ZNF37A: variants seen among roughly 807,000 people sequenced by gnomAD.
The protein encoded by ZNF37A is zinc finger protein 37a (KOX 21).
A neutral mutation model predicts 12.3 loss-of-function variants in ZNF37A; 10 were observed. That is an observed-to-expected ratio of 0.82 (90% CI 0.50 to 1.38). The LOEUF is 1.38. Ranked by LOEUF, ZNF37A falls within the 40% of genes most tolerant of loss-of-function variation. The pLI, the probability that ZNF37A is intolerant of heterozygous loss-of-function variation, is 0.00. For synonymous variants in ZNF37A, 207 were observed against 223.0 expected (o/e 0.93, Z 0.64); for missense variants, 580 against 651.2 (o/e 0.89, Z 1.19).
intron 4 of ZNF37A, 33 bp from the exon 5 acceptor site, chr10:38,096,541 T>G: frequency 1.3e-6 from 2 of 1,512,214 alleles, no homozygotes; most frequent in African/African-American, 1.4e-5. Flanking sequence ...TTAAGGCAAG[T>G]GACATCACTC....
chr10:38,119,054 G>T lies in ZNF37A; in HGVS notation c.*217G>T, dbSNP rs2069528714. 6 of 1,239,542 alleles carry T rather than the reference G, an allele frequency of 4.8e-6. No individual in the cohort carries two copies. The South Asian group carries it at 1.8e-4, about 38-fold the overall frequency. 76.8% of individuals were successfully genotyped at this position (1,239,542 alleles called of 1,614,324 possible). On this transcript the variant is annotated 3_prime_UTR_variant, in exon 8 of 8. Coordinates refer to ENST00000685332, the MANE Select transcript of ZNF37A (RefSeq NM_001324250.3). ...AACTAAAAGTGGAAAAAACTTATTG[G>T]TGAATGAATATAGGAAACATTTTGC... is the stretch of plus-strand genomic sequence containing the variant.
At chr10:38,144,853 C>T (rs1434342990) in intron 7 of ZNF37A, among the ~76,000 whole-genome samples, 2 of 152,088 alleles carry the variant, frequency 1.3e-5, no homozygotes, top group Non-Finnish European at 2.9e-5. Context: ...CAGCACTACC[C>T]AGCTGCATAC....
downstream of ZNF37A, among the ~76,000 whole-genome samples, chr10:38,126,799 C>G (rs1357167311): frequency 6.6e-6 from 1 of 152,148 alleles, no homozygotes; most frequent in Non-Finnish European, 1.5e-5. Context: ...GTGAAGCCAA[C>G]TATAGCCATA....
At chr10:38,150,278 A>G (rs1158560002) in exon 8 of ZNF37A, 2 of 152,214 alleles carry the variant, frequency 1.3e-5, no homozygotes, top group African/African-American at 2.4e-5. Flanking sequence ...CAAGTTTATT[A>G]AAACTCAAAA....
intron 7 of ZNF37A, chr10:38,139,347 C>G (rs2070151306): frequency 6.6e-6 from 1 of 151,884 alleles, no homozygotes; most frequent in South Asian, 2.1e-4. Flanking sequence ...GAACCTCTAA[C>G]TGTATTTCTT....
chr10:38,099,626 A>G (rs1222526357), intron 5 of ZNF37A, among the ~76,000 whole-genome samples: 1 of 152,158 alleles, frequency 6.6e-6, no homozygotes, highest in Non-Finnish European at 1.5e-5. Flanking sequence ...TCTTTTGGTT[A>G]TATACTCAAA....
rs1325444569 is a variant in ZNF37A, at chr10:38,118,946, A to G, written c.*109A>G. The G allele has an allele frequency of 7.3e-7, 1 of 1,366,270 alleles. No homozygotes were observed. The highest frequency in any genetic ancestry group is 2.0e-5 in the South Asian group (1 of 49,356). 84.6% of individuals were successfully genotyped at this position (1,366,270 alleles called of 1,614,324 possible). A position where few individuals can be genotyped will look rare whatever the true frequency, so the allele number is the denominator to read the frequency against. On this transcript the variant is annotated 3_prime_UTR_variant, in exon 8 of 8. Coordinates refer to ENST00000685332, the MANE Select transcript of ZNF37A (RefSeq NM_001324250.3). ...GTCAGTTCTCACAGTATAGAAGAGA[A>G]CTTAAAGAGGGAAAAAACAATATGA...
chr10:38,130,722 G>A lies in ZNF37A; in HGVS notation c.238+15432G>A, dbSNP rs558444500. Among the ~76,000 whole-genome samples, 5 of 151,828 alleles carry A rather than the reference G, an allele frequency of 3.3e-5. No homozygotes were observed. The South Asian group carries it at 6.3e-4, about 19-fold the overall frequency. The stretch of plus-strand genomic sequence containing the variant: ...TGTCCTCAAGTGATCCACCTGTCTC[G>A]CCCTCCCAAAGTGCTGAGATTACAG... On this transcript the variant is annotated intron_variant, in intron 7 of 7. Coordinates refer to the ZNF37A transcript ENST00000638053.
At position 38,115,551 on chromosome 10, in the gene ZNF37A, T is replaced by A. The variant is rs906223783; in HGVS notation, c.238+261T>A. ...AGTTTAGCCAGAGATTAATAAAATTTTATATATATATGTAACACTCATGTA... is the reference window on the plus strand; with the variant it reads ...AGTTTAGCCAGAGATTAATAAAATTATATATATATATGTAACACTCATGTA... On this transcript the variant is annotated intron_variant, in intron 7 of 7. Transcript: ENST00000685332. The A allele has an allele frequency of 3.6e-5, 11 of 307,240 alleles. No individual in the cohort carries two copies. The East Asian group carries it at 6.2e-4, about 17-fold the overall frequency. The allele number at this position is 307,240 out of a possible 1,614,324, so 19.0% of individuals were successfully genotyped here. A position where few individuals can be genotyped will look rare whatever the true frequency, so the allele number is the denominator to read the frequency against.
intron 7 of ZNF37A, chr10:38,115,621 A>T (rs1188154601): frequency 6.0e-6 from 1 of 165,502 alleles, no homozygotes; most frequent in Non-Finnish European, 1.3e-5. Context: ...CAACACCCCC[A>T]GAAAGCTCCC....
chr10:38,096,633 G>A lies in ZNF37A; in HGVS notation c.15+1G>A. 2 of 1,612,408 alleles carry A rather than the reference G, an allele frequency of 1.2e-6. No homozygotes were observed. Among genetic ancestry groups the A allele is most frequent in the Non-Finnish European group, 1.7e-6 (2 of 1,179,348 alleles). ...CCAGTGGAAGATGATCACATCCCAG[G>A]TAAGTTGTTTATTTTTTCACCGTTT... On this transcript the variant is annotated splice_donor_variant, in intron 5 of 7. Transcript: ENST00000685332. LOFTEE classifies it high-confidence loss of function.
At chr10:38,105,402 A>C (rs2067981187) in intron 5 of ZNF37A, among the ~76,000 whole-genome samples, 1 of 152,206 alleles carries the variant, frequency 6.6e-6, no homozygotes, top group African/African-American at 2.4e-5. Context: ...TTGCTATATT[A>C]AATATTCAAA....
rs569762060 is a variant in ZNF37A at position 38,116,118 on chromosome 10, C to T, written c.238+828C>T. Among the ~76,000 whole-genome samples, 12 of 152,186 alleles carry T rather than the reference C, an allele frequency of 7.9e-5. No individual in the cohort carries two copies. In the East Asian group the frequency reaches 1.4e-3, roughly 17 times the overall value. ...TTAAAATTACACATTCAACCAGTAA[C>T]GATTTCAGCGTGAAGCCTGAAAAAA... On this transcript the variant is annotated intron_variant, in intron 7 of 7. Transcript: ENST00000685332.
chr10:38,146,783 C>T (rs1590955022), exon 8 of ZNF37A: 1 of 398,488 alleles, frequency 2.5e-6, no homozygotes, highest in Non-Finnish European at 4.4e-6. Flanking sequence ...TGTGCCGAGA[C>T]CAGCTCGGTC....
chr10:38,139,334 G>A (rs1474254801), intron 7 of ZNF37A: 2 of 151,644 alleles, frequency 1.3e-5, no homozygotes, highest in African/African-American at 4.8e-5. Context: ...TGATCACTGT[G>A]TTGAACCTCT....
At chr10:38,147,082 C>T (rs2070264699) in exon 8 of ZNF37A, 1 of 227,924 alleles carries the variant, frequency 4.4e-6, no homozygotes, top group Non-Finnish European at 8.5e-6. Flanking sequence ...ACAGGCTGCT[C>T]ATGCTATTTG....
In ZNF37A at chr10:38,124,011, T is replaced by G. The variant is rs1265449650; in HGVS notation, c.*5174T>G. 6.6e-6 allele frequency: 1 copy of G among 152,206 alleles called. No individual in the cohort carries two copies. Among genetic ancestry groups the G allele is most frequent in the African/African-American group, 2.4e-5 (1 of 41,462 alleles). The allele number at this position is 152,206 out of a possible 1,614,324, so 9.4% of individuals were successfully genotyped here. A position where few individuals can be genotyped will look rare whatever the true frequency, so the allele number is the denominator to read the frequency against. On this transcript the variant is annotated 3_prime_UTR_variant, in exon 8 of 8. Transcript: ENST00000685332. ...ATACCCCAAAGACAGGAAATCAGTA[T>G]ATTGAAGATATATCTGCACCGTGTT... is the stretch of plus-strand genomic sequence containing the variant.
intron 5 of ZNF37A, among the ~76,000 whole-genome samples, chr10:38,102,734 A>G (rs1250987525): frequency 1.1e-4 from 17 of 152,130 alleles, no homozygotes; most frequent in Non-Finnish European, 2.5e-4. Flanking sequence ...CTTGTAGGAC[A>G]GGTCTAGTAC....
chr10:38,098,977 A>G (rs1208882899), intron 5 of ZNF37A, among the ~76,000 whole-genome samples: 2 of 152,086 alleles, frequency 1.3e-5, no homozygotes, highest in East Asian at 3.8e-4. Flanking sequence ...ATACTTCAGT[A>G]TTTTTTGCAT....
Sources: allele counts gnomAD v4.1 joint callset (sites outside exome capture counted in the v4.1 genomes callset), GRCh38; gene constraint gnomAD v4.1.1; transcripts MANE v1.5; gene names NCBI Gene and HGNC (gene_info 2026-07-23, HGNC 2026-07-21).